Variants in CSMD1 observed in about 807,000 individuals in gnomAD.
CSMD1 encodes the protein CUB and sushi domain-containing protein 1.
A neutral mutation model predicts 417.5 loss-of-function variants in CSMD1; 213 were observed. The observed-to-expected ratio is 0.51, with a 90% CI of 0.46 to 0.57. The LOEUF is 0.57. Among genes scored for constraint, CSMD1 ranks in the 20% least tolerant of loss-of-function variants. The probability of loss-of-function intolerance (pLI) is 0.00; values close to 1 mark genes in which losing one functional copy is unlikely to be tolerated. For synonymous variants in CSMD1, 2,862 were observed against 1,736.8 expected, an observed-to-expected ratio of 1.65 and a Z score of -16.11; for missense variants, 6,923 against 4,529.7, an observed-to-expected ratio of 1.53 and a Z score of -15.17.
rs938298823 is a variant in CSMD1, at chr8:2,997,887, G to A, written c.8377+124C>T. ...CTCAGAAATGCTTTCACACCTGAAT[G>A]GTGAGAGTTTGCAGAACTCTTTATG... On this transcript the variant is annotated intron_variant, in intron 54 of 69. Coordinates refer to ENST00000635120, the MANE Select transcript of CSMD1 (RefSeq NM_033225.6). 7 of 872,684 alleles carry A rather than the reference G, an allele frequency of 8.0e-6. No individual in the cohort carries two copies. The Admixed American group carries it at 2.0e-4, about 25-fold the overall frequency. The allele number at this position is 872,684 out of a possible 1,614,324, so 54.1% of individuals were successfully genotyped here.
At chr8:3,760,938 G>A (rs1274144056) in intron 5 of CSMD1, among the ~76,000 whole-genome samples, 3 of 151,470 alleles carry the variant, frequency 2.0e-5, no homozygotes, top group Non-Finnish European at 4.4e-5. Context: ...TGGGCAGAAA[G>A]CCATATAAAA....
At chr8:3,641,364 C>T (rs1386618971) in intron 7 of CSMD1, among the ~76,000 whole-genome samples, 1 of 152,038 alleles carries the variant, frequency 6.6e-6, no homozygotes, top group Non-Finnish European at 1.5e-5. Context: ...CCTTCATTTG[C>T]CACCTTCGCT....
intron 3 of CSMD1, among the ~76,000 whole-genome samples, chr8:4,087,810 C>T (rs1800499098): frequency 6.6e-6 from 1 of 152,010 alleles, no homozygotes; most frequent in Admixed American, 6.6e-5. Flanking sequence ...TTTATTTTAG[C>T]ATTATTTTCC....
At chr8:4,414,603 T>G (rs772927874) in intron 3 of CSMD1, among the ~76,000 whole-genome samples, 3 of 152,178 alleles carry the variant, frequency 2.0e-5, no homozygotes, top group Non-Finnish European at 2.9e-5. Context: ...CAGTGATTTT[T>G]TTTAAACTTC....
At chr8:3,968,635 G>T (rs1382994225) in intron 5 of CSMD1, among the ~76,000 whole-genome samples, 1 of 152,160 alleles carries the variant, frequency 6.6e-6, no homozygotes, top group Non-Finnish European at 1.5e-5. Context: ...ATAGAACACA[G>T]TCTGAGGCTC....
At chr8:4,875,587 G>C (rs1281128347) in intron 1 of CSMD1, among the ~76,000 whole-genome samples, 1 of 152,180 alleles carries the variant, frequency 6.6e-6, no homozygotes, top group East Asian at 1.9e-4. Context: ...ATTCGAAGCT[G>C]GTTTTGCCCT....
chr8:3,101,723 C>T (rs1043578004), intron 46 of CSMD1, among the ~76,000 whole-genome samples: 11 of 152,136 alleles, frequency 7.2e-5, no homozygotes, highest in African/African-American at 2.6e-4. Context: ...CCGCATCCGA[C>T]CAATCCTGAC....
chr8:3,865,231 T>A (rs1266514044), intron 5 of CSMD1, among the ~76,000 whole-genome samples: 2 of 152,206 alleles, frequency 1.3e-5, no homozygotes, highest in African/African-American at 2.4e-5. Flanking sequence ...ATCATCTCTG[T>A]CCTCAACTAC....
intron 3 of CSMD1, among the ~76,000 whole-genome samples, chr8:4,305,658 C>T (rs923807119): frequency 1.3e-5 from 2 of 152,168 alleles, no homozygotes; most frequent in Non-Finnish European, 2.9e-5. Flanking sequence ...ATAACATCCT[C>T]AACCAGCAGA....
At chr8:3,605,003 A>G (rs971345276) in intron 8 of CSMD1, among the ~76,000 whole-genome samples, 2 of 152,158 alleles carry the variant, frequency 1.3e-5, no homozygotes, top group Non-Finnish European at 2.9e-5. Context: ...ACTTAAAAGA[A>G]AGCAGTTCTT....
chr8:4,678,970 G>A (rs906446682), intron 1 of CSMD1, among the ~76,000 whole-genome samples: 8 of 152,180 alleles, frequency 5.3e-5, no homozygotes, highest in Non-Finnish European at 1.2e-4. Flanking sequence ...TATGCTAAGA[G>A]TTGTGTGCTG....
chr8:4,386,820 T>A (rs777166087), intron 3 of CSMD1, among the ~76,000 whole-genome samples: 1 of 152,218 alleles, frequency 6.6e-6, no homozygotes, highest in Non-Finnish European at 1.5e-5. Context: ...CTCTTGGGAT[T>A]AATGTAAAGC....
intron 3 of CSMD1, among the ~76,000 whole-genome samples, chr8:4,150,765 C>T (rs1029832667): frequency 2.6e-5 from 4 of 152,162 alleles, no homozygotes; most frequent in African/African-American, 4.8e-5. Context: ...CCTGCTTTAT[C>T]TAAAAAGATC....
chr8:3,747,391 C>G lies in CSMD1; in HGVS notation c.931+6539G>C, dbSNP rs531274498. 3.3e-4 allele frequency among the ~76,000 whole-genome samples: 49 copies of G among 147,424 alleles called. No homozygotes were observed. The South Asian group carries it at 0.011, about 32-fold the overall frequency. On this transcript the variant is annotated intron_variant, in intron 6 of 69. Transcript: ENST00000635120. ...TGATCATCTTTGAAAACACTTTTTTCACAGAAATATTATGTAGACACAGTA... is the reference window on the plus strand; with the variant it reads ...TGATCATCTTTGAAAACACTTTTTTGACAGAAATATTATGTAGACACAGTA...
rs566876869 is a variant in CSMD1 at position 4,262,462 on chromosome 8, G to T, written c.415+157491C>A. ...ATGTTCCCCGCGCAGTGCAGGCAAA[G>T]ACAGATATTATATTTCCCTTGCTAT... On this transcript the variant is annotated intron_variant, in intron 3 of 69. Transcript: ENST00000635120. 2.0e-5 allele frequency among the ~76,000 whole-genome samples: 3 copies of T among 152,224 alleles called. No individual in the cohort carries two copies. In the South Asian group the frequency reaches 6.2e-4, roughly 32 times the overall value.
rs1206602822 is a variant in CSMD1 at position 3,310,212 on chromosome 8, G to A, written c.3632-1709C>T. On this transcript the variant is annotated intron_variant, in intron 23 of 69. Transcript: ENST00000635120. The stretch of plus-strand genomic sequence containing the variant: ...TGCATAATGCCAAGAAGACAGGGCA[G>A]AAAGGAAGACATTCAATATCATGTA... 4.6e-5 allele frequency among the ~76,000 whole-genome samples: 7 copies of A among 152,196 alleles called. No individual in the cohort carries two copies. In the South Asian group the frequency reaches 6.2e-4, roughly 13 times the overall value.
intron 12 of CSMD1, 98 bp downstream of exon 12, chr8:3,468,614 G>C (rs1368894469): frequency 7.5e-6 from 5 of 662,806 alleles, no homozygotes; most frequent in African/African-American, 7.3e-5. Context: ...AGCATTGTTT[G>C]ACTTGTTGAT....
intron 2 of CSMD1, among the ~76,000 whole-genome samples, chr8:4,592,523 A>C (rs1800043407): frequency 6.6e-6 from 1 of 151,848 alleles, no homozygotes; most frequent in East Asian, 1.9e-4. Flanking sequence ...AGTAGCTAGA[A>C]CTACAGGGGC....
intron 3 of CSMD1, among the ~76,000 whole-genome samples, chr8:4,294,824 T>C (rs1054242020): frequency 6.6e-6 from 1 of 151,936 alleles, no homozygotes; most frequent in African/African-American, 2.4e-5. Flanking sequence ...TCAACCCATG[T>C]GTAATTAGTA....
Sources: allele counts gnomAD v4.1 joint callset (sites outside exome capture counted in the v4.1 genomes callset), GRCh38; gene constraint gnomAD v4.1.1; transcripts MANE v1.5; gene names NCBI Gene and HGNC (gene_info 2026-07-23, HGNC 2026-07-21).